FARP2: variants seen among roughly 807,000 people sequenced by gnomAD.
FARP2 encodes the protein FERM, ARHGEF and pleckstrin domain-containing protein 2.
FARP2 carries 111 observed loss-of-function variants against 130.5 expected under a neutral mutation model. The observed-to-expected ratio is 0.85, with a 90% CI of 0.73 to 1.00. The LOEUF (loss-of-function observed/expected upper bound fraction) is 1.00, where lower values mean the gene tolerates loss of function less well. Among genes scored for constraint, FARP2 ranks in the 50% least tolerant of loss-of-function variants. FARP2 has a pLI of 0.00. For missense variants in FARP2, 1,385 were observed against 1,346.3 expected, an observed-to-expected ratio of 1.03 and a Z score of -0.45; for synonymous variants, 504 against 516.9, an observed-to-expected ratio of 0.98 and a Z score of 0.34.
Position 241,468,285 on chromosome 2 carries a change from A to T in FARP2, c.2039A>T (p.Lys680Met). ...TTGCCTCTCAACACGTTCCTGCTGA[A>T]GCCCATCCAGCGGCTGCTGCACTAC... ...CYLPLNTFLL[K>M]PIQRLLHYRL... Residue 680 changes from lysine (K) to methionine (M), a missense_variant, in exon 18 of 27, where the codon AAG becomes ATG. Transcript: ENST00000264042. 2 of 1,613,850 alleles carry T rather than the reference A, an allele frequency of 1.2e-6. No individual in the cohort carries two copies. The highest frequency in any genetic ancestry group is 1.7e-6 in the Non-Finnish European group (2 of 1,180,030).
rs763025047 is a variant in FARP2 at position 241,437,670 on chromosome 2, A to ATTTT, written c.1158+1141_1158+1144dup. Among the ~76,000 whole-genome samples the ATTTT allele has an allele frequency of 1.1e-3, 148 of 133,102 alleles. 1 individual carries two copies. Among genetic ancestry groups the ATTTT allele is most frequent in the Non-Finnish European group, 1.6e-3 (104 of 63,182 alleles). 87.3% of individuals were successfully genotyped at this position (133,102 alleles called of 152,430 possible). A position where few individuals can be genotyped will look rare whatever the true frequency, so the allele number is the denominator to read the frequency against. On this transcript the variant is annotated intron_variant, in intron 12 of 26. Transcript: ENST00000264042. ...TATATATTTATTTATTTATTTATTT[A>ATTTT]TTTTTTTTTTTTGAGACGGAGTCTT...
intron 13 of FARP2, among the ~76,000 whole-genome samples, chr2:241,453,839 A>C (rs1167125965): frequency 8.5e-6 from 1 of 117,582 alleles, no homozygotes; most frequent in Non-Finnish European, 1.6e-5. Context: ...GCTGGAGTGC[A>C]GTGGTGCAAT....
intron 2 of FARP2, among the ~76,000 whole-genome samples, chr2:241,403,090 C>T (rs949845168): frequency 6.7e-6 from 1 of 149,488 alleles, no homozygotes; most frequent in East Asian, 2.0e-4. Context: ...CAGTTCTTCT[C>T]ATTGATGTGA....
intron 8 of FARP2, among the ~76,000 whole-genome samples, chr2:241,418,671 T>G (rs2062737298): frequency 6.6e-6 from 1 of 152,216 alleles, no homozygotes; most frequent in South Asian, 2.1e-4. Flanking sequence ...GGTAAATAAT[T>G]ACATAAATGG....
intron 18 of FARP2, 48 bp downstream of exon 18, chr2:241,468,425 G>A (rs373589177): frequency 7.5e-6 from 11 of 1,462,434 alleles, no homozygotes; most frequent in Non-Finnish European, 1.0e-5. Flanking sequence ...GTGCGTGGCT[G>A]GGAGGCAGGG....
chr2:241,482,786 C>T lies in FARP2; in HGVS notation c.2263-679C>T, dbSNP rs895110397. Among the ~76,000 whole-genome samples, 15 of 152,178 alleles carry T rather than the reference C, an allele frequency of 9.9e-5. No individual in the cohort carries two copies. Among genetic ancestry groups the T allele is most frequent in the Non-Finnish European group, 1.5e-4 (10 of 68,034 alleles). On this transcript the variant is annotated intron_variant, in intron 19 of 26. Coordinates refer to ENST00000264042, the MANE Select transcript of FARP2 (RefSeq NM_014808.4). The surrounding 1 kb of genome is among the most constrained non-coding windows in gnomAD (Gnocchi z 4.6). ...CTGAAAGGAACAGATGGTGGAAGGG[C>T]TCCAGAGCAGTCCAGGTTAGGAATC...
chr2:241,414,394 T>C (rs1311611742), intron 7 of FARP2, among the ~76,000 whole-genome samples: 1 of 152,168 alleles, frequency 6.6e-6, no homozygotes, highest in Non-Finnish European at 1.5e-5. Flanking sequence ...TAGCCTTGCC[T>C]TTGTGACACA....
chr2:241,456,729 C>A lies in FARP2; in HGVS notation c.1412-18C>A. 1 of 1,613,932 alleles carries A rather than the reference C, an allele frequency of 6.2e-7. No homozygotes were observed. Among genetic ancestry groups the A allele is most frequent in the Non-Finnish European group, 8.5e-7 (1 of 1,179,812 alleles). ...CTTTCTCATTTCTCGCTCCATCCCC[C>A]TCCCCGTTCATTTCCAGGCCTTTCC... On this transcript the variant is annotated intron_variant, in intron 13 of 26. Transcript: ENST00000264042.
intron 2 of FARP2, among the ~76,000 whole-genome samples, chr2:241,383,203 A>G (rs1425344044): frequency 1.3e-5 from 2 of 152,232 alleles, no homozygotes; most frequent in African/African-American, 2.4e-5. Flanking sequence ...TGAACGTAGC[A>G]GACAGGAGCT....
intron 19 of FARP2, among the ~76,000 whole-genome samples, chr2:241,483,014 C>T (rs1419906318): frequency 7.4e-6 from 1 of 135,692 alleles, no homozygotes; most frequent in Non-Finnish European, 1.7e-5. Context: ...TTCCTCCTCC[C>T]ATTCTCGAAC....
intron 14 of FARP2, among the ~76,000 whole-genome samples, chr2:241,457,761 C>G (rs112723367): frequency 0.087 from 4,180 of 47,912 alleles, 53 homozygotes; most frequent in Middle Eastern, 0.17. Flanking sequence ...AGTGTAGAAA[C>G]ATCTGGGTGC....
chr2:241,491,453 G>T, intron 23 of FARP2, 63 bp from the exon 24 acceptor site: 2 of 1,579,508 alleles, frequency 1.3e-6, no homozygotes, highest in Non-Finnish European at 8.6e-7. Context: ...CCAAGGGGTG[G>T]AAGTATTTGG....
chr2:241,415,170 G>C (rs772522804), intron 7 of FARP2, among the ~76,000 whole-genome samples: 1 of 152,176 alleles, frequency 6.6e-6, no homozygotes, highest in Non-Finnish European at 1.5e-5. Context: ...TGCCTGACCT[G>C]ACCTTGAGGA....
rs368902657 is a variant in FARP2, at chr2:241,482,848, G to A, written c.2263-617G>A. On this transcript the variant is annotated intron_variant, in intron 19 of 26. Transcript: ENST00000264042. This position sits in a 1 kb window ranked among gnomAD's most constrained non-coding sequence, Gnocchi z 4.6. ...CAGGACTCTCGCTTACCCTATCTGC[G>A]CAGGTGTCTGATACTGGCAGGATTC... is the stretch of plus-strand genomic sequence containing the variant. Among the ~76,000 whole-genome samples the A allele has an allele frequency of 3.9e-5, 6 of 152,160 alleles. No individual in the cohort carries two copies. Among genetic ancestry groups the A allele is most frequent in the Non-Finnish European group, 5.9e-5 (4 of 68,034 alleles).
At position 241,468,071 on chromosome 2, in the gene FARP2, A is replaced by G. The variant is rs2064220389; in HGVS notation, c.1894-69A>G. ...TCCAGCCGGCACCTGCCATCAAGGA[A>G]AACAGGCCAGTCTCCCCCTGGACTC... is the stretch of plus-strand genomic sequence containing the variant. On this transcript the variant is annotated intron_variant, in intron 17 of 26. Transcript: ENST00000264042. 1.8e-5 allele frequency: 20 copies of G among 1,082,028 alleles called. No homozygotes were observed. In the South Asian group the frequency reaches 2.5e-4, roughly 14 times the overall value. 67.0% of individuals were successfully genotyped at this position (1,082,028 alleles called of 1,614,324 possible). A position where few individuals can be genotyped will look rare whatever the true frequency, so the allele number is the denominator to read the frequency against.
chr2:241,438,566 C>T (rs916326651), intron 12 of FARP2, among the ~76,000 whole-genome samples: 2 of 151,678 alleles, frequency 1.3e-5, no homozygotes, highest in African/African-American at 2.4e-5. Flanking sequence ...AAAAGTAAAG[C>T]TCATGGTATC....
At chr2:241,492,825 C>T (rs2064976018) in intron 24 of FARP2, 104 bp from the exon 25 acceptor site, 2 of 692,246 alleles carry the variant, frequency 2.9e-6, no homozygotes, top group Non-Finnish European at 5.2e-6. Flanking sequence ...ACCAAGGCCT[C>T]AGCTGGAGAA....
intron 1 of FARP2, among the ~76,000 whole-genome samples, chr2:241,372,170 C>T (rs1441810667): frequency 3.3e-5 from 5 of 152,036 alleles, no homozygotes; most frequent in African/African-American, 1.2e-4. Flanking sequence ...GACCTGAGCT[C>T]CTCCCTAGGC....
chr2:241,428,148 G>T (rs1038806214), intron 8 of FARP2, among the ~76,000 whole-genome samples: 8 of 151,292 alleles, frequency 5.3e-5, no homozygotes, highest in Non-Finnish European at 1.2e-4. Flanking sequence ...GTTTCCTTTT[G>T]TTGATGTTTT....
Sources: allele counts gnomAD v4.1 joint callset (sites outside exome capture counted in the v4.1 genomes callset), GRCh38; gene constraint gnomAD v4.1.1; non-coding constraint Gnocchi (gnomAD v3.1); transcripts MANE v1.5; gene names NCBI Gene and HGNC (gene_info 2026-07-23, HGNC 2026-07-21).